The following LANCL1 variants were observed in gnomAD, a reference collection of about 807,000 sequenced individuals.
LANCL1 encodes the protein glutathione S-transferase LANCL1.
A neutral mutation model predicts 50.6 loss-of-function variants in LANCL1; 50 were observed. That is an observed-to-expected ratio of 0.99 (90% CI 0.79 to 1.25). LANCL1 has a LOEUF of 1.25. Among genes scored for constraint, LANCL1 ranks in the 50% most tolerant of loss-of-function variants. The pLI is 0.00. For missense variants in LANCL1, 532 were observed against 480.7 expected, an observed-to-expected ratio of 1.11 and a Z score of -1.00; for synonymous variants, 188 against 178.6, an observed-to-expected ratio of 1.05 and a Z score of -0.42.
At chr2:210,445,621 A>C (rs116519977) in intron 4 of LANCL1, among the ~76,000 whole-genome samples, 2,877 of 152,262 alleles carry the variant, frequency 0.019, 53 homozygotes, top group South Asian at 0.074. Flanking sequence ...AAGATATAAA[A>C]ATAAAGAAAT....
At chr2:210,456,363 A>G (rs920533047) in intron 3 of LANCL1, among the ~76,000 whole-genome samples, 1 of 152,190 alleles carries the variant, frequency 6.6e-6, no homozygotes. Flanking sequence ...AAATTTAGAT[A>G]GTTTTCTCAT....
Position 210,432,385 on chromosome 2 carries a change from T to G in LANCL1, c.*2102A>C, listed in dbSNP as rs1692774714. The stretch of plus-strand genomic sequence containing the variant: ...ACCCATTTATGCTGGGGGTTGCAAT[T>G]TTTTGTGTGAAAAATCAGACCTTGG... On this transcript the variant is annotated 3_prime_UTR_variant, in exon 10 of 10. Coordinates refer to ENST00000450366, the MANE Select transcript of LANCL1 (RefSeq NM_006055.3). The G allele has an allele frequency of 6.6e-6, 1 of 152,210 alleles. No homozygotes were observed. The highest frequency in any genetic ancestry group is 2.4e-5 in the African/African-American group (1 of 41,464). 9.4% of individuals were successfully genotyped at this position (152,210 alleles called of 1,614,324 possible). A position where few individuals can be genotyped will look rare whatever the true frequency, so the allele number is the denominator to read the frequency against.
chr2:210,445,571 T>C (rs1693297089), intron 4 of LANCL1, among the ~76,000 whole-genome samples: 1 of 152,282 alleles, frequency 6.6e-6, no homozygotes, highest in Middle Eastern at 3.4e-3. Flanking sequence ...GTACATGCTA[T>C]ATTCTCAAGA....
At chr2:210,476,536 G>T in intron 1 of LANCL1, 84 bp downstream of exon 1, 1 of 1,411,954 alleles carries the variant, frequency 7.1e-7, no homozygotes, top group Non-Finnish European at 9.3e-7. Context: ...CGTCTCGGCG[G>T]TCCGAGTGGA....
intron 3 of LANCL1, among the ~76,000 whole-genome samples, chr2:210,461,133 A>C (rs186209542): frequency 1.5e-4 from 22 of 151,424 alleles, no homozygotes; most frequent in Admixed American, 4.0e-4. Flanking sequence ...TTTCCTTCCT[A>C]CTTTTTTCTG....
intron 3 of LANCL1, among the ~76,000 whole-genome samples, chr2:210,464,756 G>A (rs1293080917): frequency 2.0e-5 from 3 of 147,030 alleles, no homozygotes; most frequent in African/African-American, 8.0e-5. Context: ...CATGAGGTCA[G>A]GAGATCGAGA....
chr2:210,474,744 A>AAATAAATAAATG (rs1194690246), intron 2 of LANCL1, among the ~76,000 whole-genome samples: 26 of 151,140 alleles, frequency 1.7e-4, no homozygotes, highest in Non-Finnish European at 3.0e-5. Flanking sequence ...AAATAAAAAT[A>AAATAAATAAATG]AATAAATAAA....
At chr2:210,458,020 G>A (rs1693721716) in intron 3 of LANCL1, among the ~76,000 whole-genome samples, 1 of 152,168 alleles carries the variant, frequency 6.6e-6, no homozygotes, top group African/African-American at 2.4e-5. Flanking sequence ...GTTCTTGAAG[G>A]GAAGGCACTG....
chr2:210,455,609 T>C (rs1336621032), intron 3 of LANCL1, among the ~76,000 whole-genome samples: 1 of 152,166 alleles, frequency 6.6e-6, no homozygotes, highest in East Asian at 1.9e-4. Flanking sequence ...TTAGTCTTTG[T>C]TGTACTCTGG....
At chr2:210,474,720 G>A (rs994157239) in intron 2 of LANCL1, among the ~76,000 whole-genome samples, 4 of 104,680 alleles carry the variant, frequency 3.8e-5, no homozygotes, top group African/African-American at 1.1e-4. Context: ...GTGAGACTCC[G>A]TCTAAAAAAA....
At chr2:210,443,886 G>A (rs867304455) in intron 4 of LANCL1, among the ~76,000 whole-genome samples, 22 of 152,134 alleles carry the variant, frequency 1.4e-4, no homozygotes, top group Admixed American at 3.9e-4. Context: ...GTTTTTCATT[G>A]GTGGAATGAG....
intron 3 of LANCL1, 34 bp downstream of exon 3, chr2:210,471,925 A>G (rs758264404): frequency 2.1e-6 from 3 of 1,437,090 alleles, no homozygotes; most frequent in Non-Finnish European, 2.9e-6. Context: ...CTTAAGCACA[A>G]TGCTTATGCC....
intron 9 of LANCL1, among the ~76,000 whole-genome samples, chr2:210,434,825 C>T (rs1413721679): frequency 6.6e-6 from 1 of 152,070 alleles, no homozygotes; most frequent in Non-Finnish European, 1.5e-5. Flanking sequence ...CTGACACCCC[C>T]CGAGAGCAGT....
chr2:210,443,339 A>C lies in LANCL1; in HGVS notation c.408-1896T>G, dbSNP rs898946409. 5.3e-4 allele frequency among the ~76,000 whole-genome samples: 80 copies of C among 152,330 alleles called. 1 individual carries two copies. The East Asian group carries it at 0.013, about 24-fold the overall frequency. On this transcript the variant is annotated intron_variant, in intron 4 of 9. Coordinates refer to ENST00000450366, the MANE Select transcript of LANCL1 (RefSeq NM_006055.3). ...TTTGTCACATGAAATTTTGAAGTGC[A>C]TCTCAATCATCCCTAAATTAGCCTA... is the stretch of plus-strand genomic sequence containing the variant.
At chr2:210,465,319 C>T (rs1235579426) in intron 3 of LANCL1, among the ~76,000 whole-genome samples, 1 of 152,188 alleles carries the variant, frequency 6.6e-6, no homozygotes, top group Non-Finnish European at 1.5e-5. Context: ...GGGACACATA[C>T]AAAGTGCCAC....
chr2:210,434,632 C>T, intron 9 of LANCL1, 69 bp from the exon 10 acceptor site: 1 of 1,263,006 alleles, frequency 7.9e-7, no homozygotes, highest in Non-Finnish European at 1.1e-6. Context: ...GTTCTTTTTC[C>T]CCCATATCTT....
chr2:210,459,436 G>A (rs1693774869), intron 3 of LANCL1, among the ~76,000 whole-genome samples: 1 of 152,090 alleles, frequency 6.6e-6, no homozygotes, highest in South Asian at 2.1e-4. Flanking sequence ...GAAGTGCAGT[G>A]TCCAGTATGA....
intron 4 of LANCL1, among the ~76,000 whole-genome samples, chr2:210,453,064 T>G (rs929646107): frequency 1.3e-5 from 2 of 152,172 alleles, no homozygotes; most frequent in Non-Finnish European, 2.9e-5. Context: ...TCTTTTTCTG[T>G]TTTGTATAAA....
chr2:210,434,110 A>C lies in LANCL1; in HGVS notation c.*377T>G, dbSNP rs1692837757. 6.4e-6 allele frequency: 1 copy of C among 156,990 alleles called. No homozygotes were observed. The highest frequency in any genetic ancestry group is 2.0e-4 in the South Asian group (1 of 4,900). 9.7% of individuals were successfully genotyped at this position (156,990 alleles called of 1,614,324 possible). A position where few individuals can be genotyped will look rare whatever the true frequency, so the allele number is the denominator to read the frequency against. ...TGAAGTGTAATACCCAATAATAGTC[A>C]CATATTTATCTTTATCTGTATTGAG... On this transcript the variant is annotated 3_prime_UTR_variant, in exon 10 of 10. Coordinates refer to ENST00000450366, the MANE Select transcript of LANCL1 (RefSeq NM_006055.3).
Sources: gnomAD v4.1 joint callset for allele counts (sites outside exome capture counted in the v4.1 genomes callset) on GRCh38, gnomAD v4.1.1 for gene constraint, MANE v1.5 for transcripts, NCBI Gene and HGNC (gene_info 2026-07-23, HGNC 2026-07-21) for gene names.